Variants in EXO1 observed in about 807,000 individuals in gnomAD.
EXO1 encodes exonuclease 1.
A neutral mutation model predicts 84.5 loss-of-function variants in EXO1; 69 were observed. The observed-to-expected ratio is 0.82, with a 90% confidence interval of 0.67 to 1.00. The LOEUF is 1.00. Among genes scored for constraint, EXO1 ranks in the 50% least tolerant of loss-of-function variants. EXO1 has a pLI of 0.00. For synonymous variants in EXO1, 373 were observed against 366.1 expected, an observed-to-expected ratio of 1.02 and a Z score of -0.21; for missense variants, 1,045 against 1,000.7, an observed-to-expected ratio of 1.04 and a Z score of -0.60.
Position 241,887,665 on chromosome 1 carries a change from G to A in EXO1, c.2406-1800G>A, listed in dbSNP as rs145402360. ...ATTTATTTATTTATTTTGAGACAGA[G>A]TCTCTCTTTGTCACCCAGGCTGGAG... On this transcript the variant is annotated intron_variant, in intron 15 of 15. Transcript: ENST00000366548. Among the ~76,000 whole-genome samples the A allele has an allele frequency of 1.4e-3, 208 of 152,156 alleles. 1 individual carries two copies. The highest frequency in any genetic ancestry group is 4.7e-3 in the African/African-American group (194 of 41,498).
chr1:241,862,057 G>T (rs1661427708), intron 10 of EXO1, among the ~76,000 whole-genome samples: 1 of 152,160 alleles, frequency 6.6e-6, no homozygotes, highest in Non-Finnish European at 1.5e-5. Context: ...TCCTGCCTCA[G>T]CCTCCTGGGT....
Position 241,850,490 on chromosome 1 carries a change from A to G in EXO1, c.65A>G (p.Tyr22Cys), listed in dbSNP as rs1660599772. The change falls in exon 4 of 16, where the codon TAT becomes TGT. Residue 22 changes from tyrosine (Y) to cysteine (C), a missense_variant. Transcript: ENST00000366548. ...EASEPIHVRKYKGQVVAVDTY... is the reference protein window; with the variant it reads ...EASEPIHVRKCKGQVVAVDTY... ...TCAGAACCCATCCATGTGAGGAAGT[A>G]TAAAGGGCAGGTAGTAGCTGTGGAT... 2.5e-6 allele frequency: 4 copies of G among 1,614,024 alleles called. No homozygotes were observed. The highest frequency in any genetic ancestry group is 2.5e-6 in the Non-Finnish European group (3 of 1,179,854).
At chr1:241,872,823 A>G (rs180738858) in intron 12 of EXO1, among the ~76,000 whole-genome samples, 1 of 152,282 alleles carries the variant, frequency 6.6e-6, no homozygotes, top group East Asian at 1.9e-4. Context: ...ATACGTATGC[A>G]TGTGTCTTTA....
At chr1:241,876,672 C>T (rs562939293) in intron 12 of EXO1, among the ~76,000 whole-genome samples, 2 of 152,210 alleles carry the variant, frequency 1.3e-5, no homozygotes, top group South Asian at 2.1e-4. Context: ...TTCTATTTCT[C>T]ACAACAATAT....
chr1:241,882,833 G>A (rs1407447785), intron 14 of EXO1, among the ~76,000 whole-genome samples: 6 of 152,112 alleles, frequency 3.9e-5, no homozygotes, highest in Non-Finnish European at 8.8e-5. Flanking sequence ...TTTTATGAGA[G>A]TATAGTGAGA....
At chr1:241,854,330 T>A (rs1039988840) in intron 6 of EXO1, among the ~76,000 whole-genome samples, 3 of 152,040 alleles carry the variant, frequency 2.0e-5, no homozygotes, top group African/African-American at 4.8e-5. Context: ...AGAGATGGGG[T>A]TTCTCCATAT....
intron 11 of EXO1, 119 bp from the exon 12 acceptor site, chr1:241,871,913 T>TG (rs1662114947): frequency 6.6e-6 from 4 of 605,624 alleles, no homozygotes; most frequent in East Asian, 3.1e-5. Flanking sequence ...GAGGCATAGT[T>TG]TTTTTTTTTT....
At chr1:241,855,523 G>T (rs1289975747) in intron 6 of EXO1, among the ~76,000 whole-genome samples, 1 of 152,258 alleles carries the variant, frequency 6.6e-6, no homozygotes, top group Admixed American at 6.5e-5. Flanking sequence ...GCTTCACCCA[G>T]TGGATCCCGC....
intron 15 of EXO1, among the ~76,000 whole-genome samples, chr1:241,887,653 T>C (rs1026314959): frequency 6.6e-6 from 1 of 152,170 alleles, no homozygotes; most frequent in Non-Finnish European, 1.5e-5. Flanking sequence ...TATTTATTTA[T>C]TTTGAGACAG....
At chr1:241,857,965 A>G (rs997866680) in intron 7 of EXO1, among the ~76,000 whole-genome samples, 4 of 152,252 alleles carry the variant, frequency 2.6e-5, no homozygotes, top group Non-Finnish European at 5.9e-5. Context: ...GAATTAAGAT[A>G]CAAAACTACA....
intron 8 of EXO1, among the ~76,000 whole-genome samples, chr1:241,859,848 T>A (rs552201627): frequency 1.3e-5 from 2 of 152,194 alleles, no homozygotes; most frequent in African/African-American, 4.8e-5. Context: ...CTCTAAACCC[T>A]TAACAGTTTG....
chr1:241,856,866 A>T (rs1661078846), intron 6 of EXO1, among the ~76,000 whole-genome samples: 1 of 152,214 alleles, frequency 6.6e-6, no homozygotes, highest in Non-Finnish European at 1.5e-5. Context: ...CCTTGTCTCT[A>T]CAAAAAATAC....
At chr1:241,867,304 C>T (rs1404621015) in intron 11 of EXO1, among the ~76,000 whole-genome samples, 1 of 152,150 alleles carries the variant, frequency 6.6e-6, no homozygotes, top group East Asian at 1.9e-4. Flanking sequence ...GTGAAAGGCA[C>T]TTCTCACATG....
At chr1:241,885,533 A>C (rs1663014383) in intron 15 of EXO1, 26 bp downstream of exon 15, 4 of 1,496,468 alleles carry the variant, frequency 2.7e-6, no homozygotes, top group Admixed American at 1.7e-5. Flanking sequence ...TCTTATTCTG[A>C]AACAAGATAA....
chr1:241,882,644 G>A (rs1298031502), intron 14 of EXO1, among the ~76,000 whole-genome samples: 1 of 152,066 alleles, frequency 6.6e-6, no homozygotes, highest in Admixed American at 6.6e-5. Context: ...TTAAAAGATG[G>A]ATAAAGGTCA....
intron 6 of EXO1, among the ~76,000 whole-genome samples, chr1:241,855,283 A>G (rs1160047166): frequency 6.6e-6 from 1 of 152,064 alleles, no homozygotes; most frequent in Non-Finnish European, 1.5e-5. Flanking sequence ...CACTGTCCCC[A>G]TCAGATTAGT....
chr1:241,871,920 T>A lies in EXO1; in HGVS notation c.1268-112T>A, dbSNP rs539391974. Reference sequence around the variant, plus strand: ...TCTTTTCTGAGGCATAGTTTTTTTTTTTTTTTTTTAAAGTCCTTATTTTTA... The same window carrying A: ...TCTTTTCTGAGGCATAGTTTTTTTTATTTTTTTTTAAAGTCCTTATTTTTA... On this transcript the variant is annotated intron_variant, in intron 11 of 15. Coordinates refer to ENST00000366548, the MANE Select transcript of EXO1 (RefSeq NM_130398.4). 420 of 733,378 alleles carry A rather than the reference T, an allele frequency of 5.7e-4. No homozygotes were observed. In the African/African-American group the frequency reaches 7.0e-3, roughly 12 times the overall value. 45.4% of individuals were successfully genotyped at this position (733,378 alleles called of 1,614,324 possible).
At chr1:241,876,442 C>T (rs368613922) in intron 12 of EXO1, among the ~76,000 whole-genome samples, 177 of 151,254 alleles carry the variant, frequency 1.2e-3, no homozygotes, top group African/African-American at 4.1e-3. Flanking sequence ...ATTAGCTGGG[C>T]GTAGTGGCAG....
Position 241,879,006 on chromosome 1 carries a change from G to A in EXO1, c.1772G>A (p.Ser591Asn), listed in dbSNP as rs1412699932. ...TDEESYSFES[S>N]KFTRTISPPT... ...GAAGAGTCCTACTCTTTTGAGAGCA[G>A]CAAATTTACAAGGACCATTTCACCA... is the stretch of plus-strand genomic sequence containing the variant. The change falls in exon 13 of 16, where the codon AGC becomes AAC. Residue 591 changes from serine to asparagine, a missense_variant. Transcript: ENST00000366548. 3 of 1,614,182 alleles carry A rather than the reference G, an allele frequency of 1.9e-6. No homozygotes were observed. Among genetic ancestry groups the A allele is most frequent in the African/African-American group, 1.3e-5 (1 of 75,038 alleles).
Sources: allele counts gnomAD v4.1 joint callset (sites outside exome capture counted in the v4.1 genomes callset), GRCh38; gene constraint gnomAD v4.1.1; transcripts MANE v1.5; gene names NCBI Gene and HGNC (gene_info 2026-07-23, HGNC 2026-07-21).